The following TMCC1 variants were observed in gnomAD, a reference collection of about 807,000 sequenced individuals.
TMCC1 encodes the protein transmembrane and coiled-coil domain family 1.
TMCC1 carries 15 observed loss-of-function variants against 52.4 expected under a neutral mutation model. The observed-to-expected ratio is 0.29, with a 90% CI of 0.19 to 0.44. The LOEUF (loss-of-function observed/expected upper bound fraction) is 0.44. TMCC1 is among the 20% of genes least tolerant of loss of function. TMCC1 has a pLI of 1.00. For synonymous variants in TMCC1, 279 were observed against 301.9 expected (o/e 0.92, Z 0.79); for missense variants, 503 against 806.0 (o/e 0.62, Z 4.55).
chr3:129,742,725 G>C (rs745554839), intron 4 of TMCC1, among the ~76,000 whole-genome samples: 1 of 152,106 alleles, frequency 6.6e-6, no homozygotes, highest in Non-Finnish European at 1.5e-5. Context: ...TCACAGCAGC[G>C]TTATTCATAC....
intron 5 of TMCC1, among the ~76,000 whole-genome samples, chr3:129,661,867 G>A (rs2087054081): frequency 6.6e-6 from 1 of 152,082 alleles, no homozygotes; most frequent in South Asian, 2.1e-4. Context: ...AAAAAAACCT[G>A]TATTCTAGTT....
Position 129,831,122 on chromosome 3 carries a change from T to C in TMCC1, c.-131+1652A>G, listed in dbSNP as rs181803924. Among the ~76,000 whole-genome samples, 174 of 152,128 alleles carry C rather than the reference T, an allele frequency of 1.1e-3. 1 individual carries two copies. In the Middle Eastern group the frequency reaches 0.014, roughly 12 times the overall value. ...GCTAATTTTTGTATTTTTAGAGAGATACGGTTTCACCATGTTGGCCAGGCT... is the reference window on the plus strand; with the variant it reads ...GCTAATTTTTGTATTTTTAGAGAGACACGGTTTCACCATGTTGGCCAGGCT... On this transcript the variant is annotated intron_variant, in intron 3 of 6. Transcript: ENST00000393238.
At chr3:129,719,181 G>A (rs1216909128) in intron 4 of TMCC1, among the ~76,000 whole-genome samples, 2 of 152,170 alleles carry the variant, frequency 1.3e-5, no homozygotes, top group African/African-American at 4.8e-5. Flanking sequence ...GAGGGTAAAG[G>A]AAGGAGAGTG....
At chr3:129,736,524 C>CT (rs758923804) in intron 4 of TMCC1, among the ~76,000 whole-genome samples, 12,621 of 139,302 alleles carry the variant, frequency 0.091, 629 homozygotes, top group Middle Eastern at 0.15. Context: ...ATTTTCTTTT[C>CT]TTTTTTTTTT....
intron 4 of TMCC1, among the ~76,000 whole-genome samples, chr3:129,809,551 C>A (rs72987342): frequency 0.097 from 14,731 of 151,878 alleles, 829 homozygotes; most frequent in Middle Eastern, 0.16. Context: ...GAGCTTCCAG[C>A]TGTAATTTTT....
At chr3:129,784,332 A>C (rs761068956) in intron 4 of TMCC1, among the ~76,000 whole-genome samples, 23 of 152,188 alleles carry the variant, frequency 1.5e-4, no homozygotes, top group Non-Finnish European at 2.9e-4. Context: ...TAATCCCAGC[A>C]CTTTGGGAGG....
chr3:129,776,897 A>G lies in TMCC1; in HGVS notation c.576+50906T>C, dbSNP rs745595801. On this transcript the variant is annotated intron_variant, in intron 4 of 6. Coordinates refer to ENST00000393238, the MANE Select transcript of TMCC1 (RefSeq NM_001017395.5). ...CAATCCTCTCACCTCAGCCTCCTAA[A>G]ATGTTGGGACTATAGGCATAAGCTA... Among the ~76,000 whole-genome samples the G allele has an allele frequency of 6.6e-5, 10 of 152,266 alleles. No homozygotes were observed. In the South Asian group the frequency reaches 1.2e-3, roughly 19 times the overall value.
chr3:129,656,186 A>G (rs2086658817), intron 5 of TMCC1, among the ~76,000 whole-genome samples: 1 of 152,240 alleles, frequency 6.6e-6, no homozygotes, highest in South Asian at 2.1e-4. Context: ...CCCAGGAACT[A>G]AAGAGCTAAG....
intron 4 of TMCC1, among the ~76,000 whole-genome samples, chr3:129,686,243 T>C (rs1414183030): frequency 2.6e-5 from 4 of 152,226 alleles, no homozygotes; most frequent in Non-Finnish European, 4.4e-5. Flanking sequence ...GCCCTGGATC[T>C]ACCTCTCTAG....
chr3:129,874,352 G>A (rs1365852874), intron 2 of TMCC1, among the ~76,000 whole-genome samples: 3 of 152,122 alleles, frequency 2.0e-5, no homozygotes, highest in Non-Finnish European at 4.4e-5. Context: ...AATGTCTTCT[G>A]ACTCAATTTA....
chr3:129,679,929 G>GT (rs1290391593), intron 4 of TMCC1, among the ~76,000 whole-genome samples: 1 of 151,940 alleles, frequency 6.6e-6, no homozygotes, highest in Admixed American at 6.6e-5. Context: ...TCCATTTATT[G>GT]TATCACCAAG....
intron 4 of TMCC1, among the ~76,000 whole-genome samples, chr3:129,678,703 T>C (rs1157746698): frequency 1.3e-5 from 2 of 152,070 alleles, no homozygotes; most frequent in Non-Finnish European, 2.9e-5. Context: ...ATGGGTATTA[T>C]TATTTATCCT....
intron 2 of TMCC1, among the ~76,000 whole-genome samples, chr3:129,875,364 C>A (rs894259990): frequency 2.0e-5 from 3 of 151,498 alleles, no homozygotes; most frequent in African/African-American, 7.3e-5. Context: ...AGGTAGCCGG[C>A]GCCTGTAATC....
chr3:129,821,231 T>C (rs896201422), intron 4 of TMCC1, among the ~76,000 whole-genome samples: 2 of 152,204 alleles, frequency 1.3e-5, no homozygotes, highest in South Asian at 2.1e-4. Flanking sequence ...TAGATGTAGA[T>C]GTAGATGTGT....
chr3:129,708,884 C>G (rs2048438741), intron 4 of TMCC1, among the ~76,000 whole-genome samples: 1 of 152,162 alleles, frequency 6.6e-6, no homozygotes, highest in South Asian at 2.1e-4. Flanking sequence ...CCTACTACTA[C>G]AGTAATCCTA....
intron 1 of TMCC1, among the ~76,000 whole-genome samples, chr3:129,890,319 T>A (rs2061906436): frequency 1.3e-5 from 2 of 152,176 alleles, no homozygotes; most frequent in African/African-American, 4.8e-5. Context: ...TGACAGCTGT[T>A]CAGTGGAGCC....
At chr3:129,754,951 G>A (rs977679339) in intron 4 of TMCC1, among the ~76,000 whole-genome samples, 9 of 152,002 alleles carry the variant, frequency 5.9e-5, no homozygotes, top group South Asian at 4.2e-4. Flanking sequence ...GGTGGCGGGC[G>A]CCTGCAATCC....
At chr3:129,660,302 C>A (rs2086939320) in intron 5 of TMCC1, among the ~76,000 whole-genome samples, 1 of 151,960 alleles carries the variant, frequency 6.6e-6, no homozygotes, top group Admixed American at 6.6e-5. Context: ...CATGTGCCAC[C>A]ACGCCCGGTT....
At chr3:129,854,332 G>C (rs2060050406) in intron 2 of TMCC1, among the ~76,000 whole-genome samples, 1 of 150,842 alleles carries the variant, frequency 6.6e-6, no homozygotes, top group Non-Finnish European at 1.5e-5. Flanking sequence ...GCGGAAGGGT[G>C]AGGCAAGATC....
Sources: allele counts gnomAD v4.1 joint callset (sites outside exome capture counted in the v4.1 genomes callset), GRCh38; gene constraint gnomAD v4.1.1; transcripts MANE v1.5; gene names NCBI Gene and HGNC (gene_info 2026-07-23, HGNC 2026-07-21).